PIP5K1B: variants seen among roughly 807,000 people sequenced by gnomAD.
PIP5K1B encodes phosphatidylinositol-4-phosphate 5-kinase type 1 beta.
A neutral mutation model predicts 67.0 loss-of-function variants in PIP5K1B; 42 were observed. The observed-to-expected ratio is 0.63, with a 90% CI of 0.49 to 0.81. The LOEUF (loss-of-function observed/expected upper bound fraction) is 0.81. Ranked by LOEUF, PIP5K1B falls within the 30% of genes least tolerant of loss-of-function variation. The probability of loss-of-function intolerance (pLI) is 0.00; values close to 1 mark genes in which losing one functional copy is unlikely to be tolerated. For missense variants in PIP5K1B, 459 were observed against 646.3 expected (o/e 0.71, Z 3.14); for synonymous variants, 214 against 231.4 (o/e 0.92, Z 0.68).
At chr9:68,783,766 A>C (rs1053329284) in intron 2 of PIP5K1B, 7 of 166,726 alleles carry the variant, frequency 4.2e-5, no homozygotes, top group Non-Finnish European at 8.8e-5. Context: ...CAACTTCCTA[A>C]CTCCCACTTG....
intron 8 of PIP5K1B, among the ~76,000 whole-genome samples, chr9:68,907,344 T>C (rs1041220976): frequency 6.6e-6 from 1 of 152,218 alleles, no homozygotes; most frequent in African/African-American, 2.4e-5. Context: ...ACTGTCACCT[T>C]CATGCTAAGT....
intron 1 of PIP5K1B, among the ~76,000 whole-genome samples, chr9:68,719,205 G>C (rs1260734809): frequency 1.3e-5 from 2 of 152,090 alleles, no homozygotes; most frequent in Non-Finnish European, 2.9e-5. Context: ...TATTGATAAT[G>C]TGTTTACTAT....
At chr9:68,842,428 C>G (rs975351154) in intron 4 of PIP5K1B, among the ~76,000 whole-genome samples, 2 of 152,144 alleles carry the variant, frequency 1.3e-5, no homozygotes, top group Admixed American at 6.5e-5. Context: ...CTTGGTGAAA[C>G]AAAATGTGAG....
At chr9:68,836,545 T>C (rs1834617868) in intron 4 of PIP5K1B, among the ~76,000 whole-genome samples, 1 of 152,370 alleles carries the variant, frequency 6.6e-6, no homozygotes, top group Admixed American at 6.5e-5. Context: ...TCAAGCTGCA[T>C]TGATGTTTAT....
Position 68,780,560 on chromosome 9 carries a change from C to G in PIP5K1B, c.-85-37901C>G, listed in dbSNP as rs202190176. The G allele has an allele frequency of 1.7e-5, 28 of 1,614,234 alleles. No homozygotes were observed. In the East Asian group the frequency reaches 5.3e-4, roughly 31 times the overall value. On this transcript the variant is annotated intron_variant, in intron 2 of 15. Coordinates refer to ENST00000265382, the MANE Select transcript of PIP5K1B (RefSeq NM_003558.4). ...GTGACAACGACGTGGAGAAATCCGC[C>G]TCCCCCAAGCGCATCGATTTCATTC...
At chr9:68,987,289 C>T (rs752576652) in intron 14 of PIP5K1B, among the ~76,000 whole-genome samples, 9 of 151,800 alleles carry the variant, frequency 5.9e-5, no homozygotes, top group Non-Finnish European at 8.8e-5. Context: ...TGGGGCCAGG[C>T]GTGGCGGCTT....
chr9:68,860,694 A>G (rs1823021852), intron 4 of PIP5K1B, among the ~76,000 whole-genome samples: 1 of 152,198 alleles, frequency 6.6e-6, no homozygotes, highest in Admixed American at 6.5e-5. Flanking sequence ...TGGGCAAGTC[A>G]CTTAACCTTG....
intron 1 of PIP5K1B, chr9:68,707,537 C>T (rs1827180416): frequency 6.6e-6 from 1 of 152,124 alleles, no homozygotes; most frequent in African/African-American, 2.4e-5. Flanking sequence ...TTTTAAATGG[C>T]AGAGTTCTTC....
At chr9:68,760,799 A>G (rs905040062) in intron 2 of PIP5K1B, among the ~76,000 whole-genome samples, 1 of 152,118 alleles carries the variant, frequency 6.6e-6, no homozygotes, top group African/African-American at 2.4e-5. Flanking sequence ...ATAAATGAGC[A>G]TATGCCAAAG....
At chr9:68,963,639 T>C (rs1417479062) in intron 14 of PIP5K1B, among the ~76,000 whole-genome samples, 1 of 152,192 alleles carries the variant, frequency 6.6e-6, no homozygotes, top group Non-Finnish European at 1.5e-5. Flanking sequence ...TCCCTGCCAA[T>C]GATAATTTGC....
At chr9:68,967,436 T>C (rs530300105) in intron 14 of PIP5K1B, among the ~76,000 whole-genome samples, 2 of 152,290 alleles carry the variant, frequency 1.3e-5, no homozygotes, top group African/African-American at 2.4e-5. Flanking sequence ...AGGTATCAGA[T>C]AGAGTTCTCT....
Position 68,961,570 on chromosome 9 carries a change from C to T in PIP5K1B, c.1502+20780C>T, listed in dbSNP as rs188565145. Among the ~76,000 whole-genome samples the T allele has an allele frequency of 1.9e-3, 287 of 152,218 alleles. 2 individuals are homozygous for T. Among genetic ancestry groups the T allele is most frequent in the African/African-American group, 6.3e-3 (262 of 41,540 alleles). The stretch of plus-strand genomic sequence containing the variant: ...TTCACTGTAGGGCGATTTGGCTGGG[C>T]TGTGTAGTTGGGGAAACCTGGTATT... On this transcript the variant is annotated intron_variant, in intron 14 of 15. Transcript: ENST00000265382.
At chr9:68,883,338 T>C (rs747028257) in intron 6 of PIP5K1B, among the ~76,000 whole-genome samples, 2 of 152,200 alleles carry the variant, frequency 1.3e-5, no homozygotes, top group Non-Finnish European at 2.9e-5. Flanking sequence ...TTTGTTTTCC[T>C]AACTTATCCT....
chr9:68,790,829 G>A (rs1020029771), intron 2 of PIP5K1B, among the ~76,000 whole-genome samples: 1 of 152,216 alleles, frequency 6.6e-6, no homozygotes, highest in Non-Finnish European at 1.5e-5. Context: ...CAGCGGTTCA[G>A]ATTTCAAGTG....
At chr9:68,810,930 A>G (rs10869327) in intron 2 of PIP5K1B, among the ~76,000 whole-genome samples, 59,532 of 152,102 alleles carry the variant, frequency 0.39, 12,317 homozygotes, top group Middle Eastern at 0.48. Context: ...AAGTAGGAGA[A>G]AACAAGTAAA....
At chr9:68,964,826 G>A (rs993791393) in intron 14 of PIP5K1B, among the ~76,000 whole-genome samples, 1 of 152,176 alleles carries the variant, frequency 6.6e-6, no homozygotes, top group Admixed American at 6.5e-5. Flanking sequence ...CTGCAATTCT[G>A]GAATTCTCTT....
intron 15 of PIP5K1B, among the ~76,000 whole-genome samples, chr9:69,001,986 T>C (rs746596249): frequency 2.6e-5 from 4 of 152,216 alleles, no homozygotes; most frequent in African/African-American, 7.2e-5. Flanking sequence ...AGGCCAAATC[T>C]TAAATCCATC....
At chr9:68,773,596 C>G (rs550288581) in intron 2 of PIP5K1B, among the ~76,000 whole-genome samples, 1 of 152,324 alleles carries the variant, frequency 6.6e-6, no homozygotes, top group Admixed American at 6.5e-5. Flanking sequence ...CTGTAAGATT[C>G]TTCCATCAAG....
At chr9:68,746,690 T>G (rs181136575) in intron 2 of PIP5K1B, among the ~76,000 whole-genome samples, 1 of 152,214 alleles carries the variant, frequency 6.6e-6, no homozygotes, top group African/African-American at 2.4e-5. Flanking sequence ...TCTCTGTGCC[T>G]CTCCTGCAGT....
Sources: gnomAD v4.1 joint callset for allele counts (sites outside exome capture counted in the v4.1 genomes callset) on GRCh38, gnomAD v4.1.1 for gene constraint, MANE v1.5 for transcripts, NCBI Gene and HGNC (gene_info 2026-07-23, HGNC 2026-07-21) for gene names.